BYSL: variants seen among roughly 807,000 people sequenced by gnomAD.
The protein encoded by BYSL is bystin like.
In BYSL, 21 loss-of-function variants were observed where a neutral mutation model predicts 45.4. The ratio of observed to expected loss-of-function variants is 0.46; its 90% CI spans 0.33 to 0.67. The LOEUF (loss-of-function observed/expected upper bound fraction) is 0.67, where lower values mean the gene tolerates loss of function less well. Ranked by LOEUF, BYSL falls within the 30% of genes least tolerant of loss-of-function variation. The probability of loss-of-function intolerance (pLI) is 0.02; values close to 1 mark genes in which losing one functional copy is unlikely to be tolerated. For synonymous variants in BYSL, 215 were observed against 231.3 expected, an observed-to-expected ratio of 0.93 and a Z score of 0.64; for missense variants, 522 against 578.5, an observed-to-expected ratio of 0.90 and a Z score of 1.00.
the BYSL span, chr6:41,909,462 G>A: frequency 6.2e-7 from 1 of 1,614,242 alleles, no homozygotes; most frequent in South Asian, 1.1e-5. Context: ...CTCAAAGAGG[G>A]CGAAACAGCT....
chr6:41,932,251 G>T lies in BYSL; in HGVS notation c.969-110G>T. ...GAAGGTCCCTGGGGAATACCATAGT[G>T]TAAGGGCCAGCAGAGGGGAAGAAAA... is the stretch of plus-strand genomic sequence containing the variant. On this transcript the variant is annotated intron_variant, in intron 6 of 6. Coordinates refer to ENST00000230340, the MANE Select transcript of BYSL (RefSeq NM_004053.4). The surrounding 1 kb of genome is among the most constrained non-coding windows in gnomAD (Gnocchi z 4.7). 1 of 1,063,672 alleles carries T rather than the reference G, an allele frequency of 9.4e-7. No individual in the cohort carries two copies. The allele number at this position is 1,063,672 out of a possible 1,614,324, so 65.9% of individuals were successfully genotyped here.
At chr6:41,923,705 G>C (rs1316399672) in intron 1 of BYSL, among the ~76,000 whole-genome samples, 1 of 152,156 alleles carries the variant, frequency 6.6e-6, no homozygotes, top group Non-Finnish European at 1.5e-5. Context: ...AAAGTGCTGG[G>C]ATTACAGGTG....
upstream of BYSL, chr6:41,921,322 G>A: frequency 3.3e-6 from 2 of 612,530 alleles, no homozygotes; most frequent in East Asian, 2.9e-5. Context: ...GACACTCAAA[G>A]ACTGCACTAT....
chr6:41,909,415 C>T, the BYSL span: 4 of 1,614,086 alleles, frequency 2.5e-6, no homozygotes, highest in African/African-American at 2.7e-5. Flanking sequence ...ACCATAAGCA[C>T]ATCAAAGTTG....
chr6:41,932,408 G>T lies in BYSL; in HGVS notation c.1016G>T (p.Ser339Ile). The T allele has an allele frequency of 6.2e-7, 1 of 1,613,756 alleles. No homozygotes were observed. The highest frequency in any genetic ancestry group is 8.5e-7 in the Non-Finnish European group (1 of 1,180,018). Residue 339 changes from serine to isoleucine, a missense_variant, in exon 7 of 7, where the codon AGC (serine) becomes ATC (isoleucine). Transcript: ENST00000230340. This position sits in a 1 kb window ranked among gnomAD's most constrained non-coding sequence, Gnocchi z 4.7. ...GAGATGGAATACAGCGGTGCCAACA[G>T]CATCTTCCTGCGACTGCTGCTGGAT... ...IAEMEYSGAN[S>I]IFLRLLLDKK...
At chr6:41,921,932 G>T in intron 1 of BYSL, 102 bp downstream of exon 1, 1 of 1,443,558 alleles carries the variant, frequency 6.9e-7, no homozygotes, top group African/African-American at 1.4e-5. Flanking sequence ...AGTCAACAAA[G>T]GGGTCCGTAT....
intron 4 of BYSL, 48 bp downstream of exon 4, chr6:41,930,816 G>T: frequency 6.3e-7 from 1 of 1,583,234 alleles, no homozygotes; most frequent in South Asian, 1.2e-5. Flanking sequence ...GGTGCAGGCT[G>T]AGTTTGGGAC....
At chr6:41,927,559 A>G (rs1469231911) in intron 2 of BYSL, 23 bp downstream of exon 2, 5 of 1,611,388 alleles carry the variant, frequency 3.1e-6, no homozygotes, top group Non-Finnish European at 4.2e-6. Flanking sequence ...ATTTGGGATA[A>G]TGAGTCCTTG....
At chr6:41,925,504 C>T (rs925748393) in intron 1 of BYSL, among the ~76,000 whole-genome samples, 2 of 150,954 alleles carry the variant, frequency 1.3e-5, no homozygotes, top group Non-Finnish European at 2.9e-5. Flanking sequence ...GCTGGGACTA[C>T]AGGCGCCCGC....
At chr6:41,921,123 A>G, upstream of BYSL, 4 of 1,467,014 alleles carry the variant, frequency 2.7e-6, no homozygotes, top group South Asian at 3.7e-5. Context: ...CTGTCTCAGA[A>G]GGGACTCCGG....
At chr6:41,924,227 AT>A (rs57469455) in intron 1 of BYSL, among the ~76,000 whole-genome samples, 70,454 of 144,714 alleles carry the variant, frequency 0.49, 16,811 homozygotes, top group Non-Finnish European at 0.5. Flanking sequence ...CACCCAGCTA[AT>A]TTTTTTTTTT....
At position 41,932,672 on chromosome 6, in the gene BYSL, G is replaced by A. The variant is rs140632319; in HGVS notation, c.1280G>A (p.Arg427His). 4.4e-5 allele frequency: 71 copies of A among 1,612,874 alleles called. No homozygotes were observed. Among genetic ancestry groups the A allele is most frequent in the African/African-American group, 3.5e-4 (26 of 74,912 alleles). ...CGTGAGCTTCAGAGTGCAGTCCCCC[G>A]CGATGTGGAAGATGTTCCCATCACC... ...IRRELQSAVP[R>H]DVEDVPITVE Residue 427 changes from arginine (R) to histidine (H), a missense_variant, in exon 7 of 7, where the codon CGC becomes CAC. By Grantham distance (29) the Arg-to-His change is conservative. Transcript: ENST00000230340. The surrounding 1 kb of genome is among the most constrained non-coding windows in gnomAD (Gnocchi z 4.7).
chr6:41,922,043 A>G (rs1226599654), intron 1 of BYSL, among the ~76,000 whole-genome samples: 2 of 152,106 alleles, frequency 1.3e-5, no homozygotes, highest in Non-Finnish European at 2.9e-5. Context: ...GCCAACAGTA[A>G]TCGATCGCGC....
Position 41,921,685 on chromosome 6 carries a change from G to C in BYSL, c.123G>C (p.Gly41=), listed in dbSNP as rs1367814859. 6.2e-7 allele frequency: 1 copy of C among 1,613,164 alleles called. No homozygotes were observed. The highest frequency in any genetic ancestry group is 1.1e-5 in the South Asian group (1 of 91,046). ...TCCGGGAGAAGCGGCGGGGTCGCGG[G>C]ACAGGAGAAGCGGAGGAAGAGTATG... is the stretch of plus-strand genomic sequence containing the variant. ...AGVREKRRGR[G]TGEAEEEYVG... Residue 41 remains glycine (G), a synonymous_variant, in exon 1 of 7, where the codon GGG becomes GGC. Transcript: ENST00000230340.
upstream of BYSL, among the ~76,000 whole-genome samples, chr6:41,919,858 A>C (rs1336966175): frequency 6.6e-6 from 1 of 152,230 alleles, no homozygotes; most frequent in African/African-American, 2.4e-5. Flanking sequence ...CCATTAAGGA[A>C]CACAGGAGGA....
intron 1 of BYSL, among the ~76,000 whole-genome samples, chr6:41,923,311 CTT>C (rs35517592): frequency 1.2e-4 from 17 of 138,752 alleles, no homozygotes; most frequent in Admixed American, 2.2e-4. Context: ...CCAACTAATT[CTT>C]TTTTTTTTTT....
At chr6:41,909,645 G>T in the BYSL span, 3 of 1,413,198 alleles carry the variant, frequency 2.1e-6, no homozygotes, top group Non-Finnish European at 2.9e-6. Context: ...GCAGTTCTTG[G>T]TTGGGGGTGA....
intron 1 of BYSL, 34 bp downstream of exon 1, chr6:41,921,864 T>G (rs955412044): frequency 6.3e-7 from 1 of 1,585,734 alleles, no homozygotes; most frequent in African/African-American, 1.4e-5. Context: ...AGGAAGACAG[T>G]GGCCAGTAGT....
intron 1 of BYSL, among the ~76,000 whole-genome samples, chr6:41,922,130 T>C (rs1775492407): frequency 6.6e-6 from 1 of 152,142 alleles, no homozygotes; most frequent in African/African-American, 2.4e-5. Context: ...TGCGCTATGC[T>C]CGGAATTCTA....
Sources: gnomAD v4.1 joint callset for allele counts (sites outside exome capture counted in the v4.1 genomes callset) on GRCh38, gnomAD v4.1.1 for gene constraint, Gnocchi (gnomAD v3.1) non-coding constraint, MANE v1.5 for transcripts, NCBI Gene and HGNC (gene_info 2026-07-23, HGNC 2026-07-21) for gene names.